Variants in ANKRD29 observed in about 807,000 individuals in gnomAD.
ANKRD29 encodes the protein ankyrin repeat domain-containing protein 29.
ANKRD29 carries 32 observed loss-of-function variants against 38.0 expected under a neutral mutation model. The observed-to-expected ratio is 0.84, with a 90% CI of 0.64 to 1.13. The LOEUF is 1.13. Among genes scored for constraint, ANKRD29 ranks in the 50% most tolerant of loss-of-function variants. The pLI, the probability that ANKRD29 is intolerant of heterozygous loss-of-function variation, is 0.00. For missense variants in ANKRD29, 357 were observed against 377.9 expected (o/e 0.94, Z 0.46); for synonymous variants, 135 against 152.4 (o/e 0.89, Z 0.84).
chr18:23,660,848 T>C (rs1163950443), intron 1 of ANKRD29, among the ~76,000 whole-genome samples: 1 of 152,230 alleles, frequency 6.6e-6, no homozygotes, highest in Non-Finnish European at 1.5e-5. Context: ...TCTTGCAGAA[T>C]TTCTTGAAAG....
intron 3 of ANKRD29, among the ~76,000 whole-genome samples, chr18:23,641,205 C>T (rs1342709749): frequency 1.3e-5 from 2 of 152,244 alleles, no homozygotes. Flanking sequence ...GCATGCTCCT[C>T]AGGTCCAGTG....
At chr18:23,612,235 T>TGCTGAATGCCAA in intron 8 of ANKRD29, 45 bp from the exon 9 acceptor site, 3 of 1,549,188 alleles carry the variant, frequency 1.9e-6, no homozygotes, top group Non-Finnish European at 2.7e-6. Flanking sequence ...CTCACAGCCA[T>TGCTGAATGCCAA]TGGCATTCAG....
intron 8 of ANKRD29, among the ~76,000 whole-genome samples, chr18:23,614,670 A>G (rs986755502): frequency 6.8e-6 from 1 of 146,128 alleles, no homozygotes; most frequent in African/African-American, 2.5e-5. Context: ...CCTGTCTCCA[A>G]AAAAAAAAAA....
intron 1 of ANKRD29, among the ~76,000 whole-genome samples, chr18:23,650,562 C>G (rs2060197847): frequency 6.6e-6 from 1 of 152,196 alleles, no homozygotes; most frequent in Admixed American, 6.5e-5. Flanking sequence ...ATCTTCTTCT[C>G]TAAAATAATT....
chr18:23,617,823 C>A lies in ANKRD29; in HGVS notation c.632G>T (p.Gly211Val). Residue 211 changes from glycine (G) to valine (V), a missense_variant, in exon 8 of 10, where the codon GGC becomes GTC. By Grantham distance (109) the Gly-to-Val change is moderately radical. Transcript: ENST00000592179. ...GGCTGCTTTCAATAATGCTGTTGTG[C>A]CATCCTTAACAGAAAGAGGAAAATA... ...GADRDAARNDGTTALLKAANK... is the reference protein window; with the variant it reads ...GADRDAARNDVTTALLKAANK... 7 of 1,612,928 alleles carry A rather than the reference C, an allele frequency of 4.3e-6. No homozygotes were observed. The highest frequency in any genetic ancestry group is 1.7e-4 in the Middle Eastern group (1 of 6,008).
chr18:23,604,721 G>A (rs1215814903), intron 9 of ANKRD29, among the ~76,000 whole-genome samples: 1 of 151,902 alleles, frequency 6.6e-6, no homozygotes, highest in Non-Finnish European at 1.5e-5. Context: ...AGTAGAGATG[G>A]GGTTTCACCA....
intron 2 of ANKRD29, chr18:23,648,762 C>T: frequency 2.4e-6 from 1 of 409,364 alleles, no homozygotes; most frequent in East Asian, 3.5e-5. Context: ...TCCATCTTTT[C>T]ATGGAAGTGG....
chr18:23,639,604 C>T lies in ANKRD29; in HGVS notation c.232-657G>A, dbSNP rs112788422. The stretch of plus-strand genomic sequence containing the variant: ...TGGATGGAGTGCAGTGGTGCCATCT[C>T]GGCTCACTGCAACCTCTGCCTCCCA... On this transcript the variant is annotated intron_variant, in intron 3 of 9. Transcript: ENST00000592179. 3.5e-4 allele frequency among the ~76,000 whole-genome samples: 52 copies of T among 149,552 alleles called. 2 individuals carry two copies. The highest frequency in any genetic ancestry group is 1.2e-3 in the African/African-American group (47 of 40,564).
At chr18:23,609,594 G>T (rs1323156085) in intron 9 of ANKRD29, among the ~76,000 whole-genome samples, 1 of 152,170 alleles carries the variant, frequency 6.6e-6, no homozygotes, top group Non-Finnish European at 1.5e-5. Flanking sequence ...ATTCAGGAGG[G>T]TCCAAAGTCC....
chr18:23,605,939 G>GTAATTTACAAAATTTGTAAAA lies in ANKRD29; in HGVS notation c.823-4651_823-4631dup, dbSNP rs986873548. Among the ~76,000 whole-genome samples the GTAATTTACAAAATTTGTAAAA allele has an allele frequency of 7.9e-3, 1,200 of 152,178 alleles. 15 individuals carry two copies. The highest frequency in any genetic ancestry group is 0.023 in the African/African-American group (968 of 41,498). On this transcript the variant is annotated intron_variant, in intron 9 of 9. Transcript: ENST00000592179. ...TAAGTACAACTGGTATTTTTGTAGAGTAATTTACAAAATTTGTAAAATAAT... is the reference window on the plus strand; with the variant it reads ...TAAGTACAACTGGTATTTTTGTAGAGTAATTTACAAAATTTGTAAAATAATTTACAAAATTTGTAAAATAAT...
At chr18:23,613,316 G>A (rs533760911) in intron 8 of ANKRD29, among the ~76,000 whole-genome samples, 119 of 151,996 alleles carry the variant, frequency 7.8e-4, no homozygotes, top group African/African-American at 2.7e-3. Context: ...GGGACTACAG[G>A]TGTGTAACAG....
At chr18:23,628,315 A>C (rs1342535475) in intron 6 of ANKRD29, among the ~76,000 whole-genome samples, 1 of 152,134 alleles carries the variant, frequency 6.6e-6, no homozygotes, top group East Asian at 1.9e-4. Flanking sequence ...TATTTTTCTC[A>C]GGCTCCTTAT....
At chr18:23,642,531 T>C (rs1323690153) in intron 3 of ANKRD29, among the ~76,000 whole-genome samples, 1 of 152,216 alleles carries the variant, frequency 6.6e-6, no homozygotes, top group Non-Finnish European at 1.5e-5. Flanking sequence ...CACACCTGGC[T>C]TGCCCTTGGC....
At chr18:23,605,538 A>C (rs2059564774) in intron 9 of ANKRD29, among the ~76,000 whole-genome samples, 1 of 147,550 alleles carries the variant, frequency 6.8e-6, no homozygotes, top group Non-Finnish European at 1.5e-5. Context: ...TATTGTCATT[A>C]TTTTTTGAGA....
chr18:23,653,452 T>C lies in ANKRD29; in HGVS notation c.22-4259A>G, dbSNP rs1598540298. The stretch of plus-strand genomic sequence containing the variant: ...TATTAGTAGAGATGGGTTTTCACCA[T>C]ATTGGCCAGGCTGATCTCGAACTCC... On this transcript the variant is annotated intron_variant, in intron 1 of 9. Transcript: ENST00000592179. Among the ~76,000 whole-genome samples, 8 of 152,318 alleles carry C rather than the reference T, an allele frequency of 5.3e-5. No homozygotes were observed. The South Asian group carries it at 1.7e-3, about 32-fold the overall frequency.
intron 6 of ANKRD29, among the ~76,000 whole-genome samples, chr18:23,623,431 C>G (rs547919825): frequency 1.9e-4 from 29 of 152,136 alleles, no homozygotes; most frequent in Admixed American, 5.2e-4. Context: ...CTTTTGTACA[C>G]CTTAATTTCT....
At chr18:23,616,603 A>AT (rs1782171070) in intron 8 of ANKRD29, among the ~76,000 whole-genome samples, 4 of 142,420 alleles carry the variant, frequency 2.8e-5, no homozygotes, top group African/African-American at 1.1e-4. Context: ...TACTATATAT[A>AT]CTATATATAT....
At chr18:23,627,684 A>G (rs73967126) in intron 6 of ANKRD29, among the ~76,000 whole-genome samples, 5,849 of 152,290 alleles carry the variant, frequency 0.038, 317 homozygotes, top group African/African-American at 0.11. Flanking sequence ...TTATTTTGGA[A>G]GGATGTACTA....
intron 5 of ANKRD29, among the ~76,000 whole-genome samples, chr18:23,631,748 G>T (rs780454929): frequency 6.6e-6 from 1 of 152,154 alleles, no homozygotes; most frequent in Non-Finnish European, 1.5e-5. Flanking sequence ...GTGCTCTTTA[G>T]TTTTCGTCTT....
Sources: gnomAD v4.1 joint callset for allele counts (sites outside exome capture counted in the v4.1 genomes callset) on GRCh38, gnomAD v4.1.1 for gene constraint, MANE v1.5 for transcripts, NCBI Gene and HGNC (gene_info 2026-07-23, HGNC 2026-07-21) for gene names.